Variants in LY96 observed in about 807,000 individuals in gnomAD.
LY96 encodes the protein myeloid differentiation protein-2.
A neutral mutation model predicts 18.9 loss-of-function variants in LY96; 18 were observed. The observed-to-expected ratio is 0.95, with a 90% CI of 0.66 to 1.41. LY96 has a LOEUF of 1.41. Ranked by LOEUF, LY96 falls within the 40% of genes most tolerant of loss-of-function variation. The pLI is 0.00. For missense variants in LY96, 175 were observed against 182.4 expected (o/e 0.96, Z 0.23); for synonymous variants, 66 against 62.6 (o/e 1.06, Z -0.26).
chr8:73,998,741 C>T (rs565531962), intron 1 of LY96, among the ~76,000 whole-genome samples: 3 of 152,268 alleles, frequency 2.0e-5, no homozygotes, highest in Non-Finnish European at 2.9e-5. Flanking sequence ...TGCTTCAAAT[C>T]TGGATCTGTA....
chr8:74,062,817 G>GGGA, the LY96 span, among the ~76,000 whole-genome samples: 1 of 152,176 alleles, frequency 6.6e-6, no homozygotes, highest in Non-Finnish European at 1.5e-5. Flanking sequence ...TAGTCATATG[G>GGGA]TTAGTCAGTG....
chr8:74,061,907 T>C, the LY96 span, among the ~76,000 whole-genome samples: 9 of 152,242 alleles, frequency 5.9e-5, no homozygotes, highest in South Asian at 1.4e-3. Context: ...TTTTCCTATA[T>C]GTACTTTGTT....
At chr8:74,022,291 C>T (rs1238010283) in intron 3 of LY96, among the ~76,000 whole-genome samples, 1 of 151,818 alleles carries the variant, frequency 6.6e-6, no homozygotes, top group Non-Finnish European at 1.5e-5. Context: ...TTTGTAATCC[C>T]CGCTACCACC....
chr8:74,081,145 CTTT>C, the LY96 span, among the ~76,000 whole-genome samples: 35 of 138,364 alleles, frequency 2.5e-4, no homozygotes, highest in African/African-American at 8.8e-4. Flanking sequence ...TTCCTTCCTT[CTTT>C]CTTTCTTTCT....
At chr8:74,089,479 A>ACTTGGT in the LY96 span, among the ~76,000 whole-genome samples, 1 of 152,040 alleles carries the variant, frequency 6.6e-6, no homozygotes, top group Admixed American at 6.6e-5. Flanking sequence ...TGTGTCCTAG[A>ACTTGGT]CTTGGTATGA....
chr8:74,032,827 G>A (rs1816993615), downstream of LY96, among the ~76,000 whole-genome samples: 2 of 152,196 alleles, frequency 1.3e-5, no homozygotes, highest in African/African-American at 2.4e-5. Context: ...TGGTGAATGT[G>A]TGTGATCCAA....
intron 1 of LY96, among the ~76,000 whole-genome samples, chr8:73,995,479 A>C (rs1414777626): frequency 6.6e-6 from 1 of 152,086 alleles, no homozygotes; most frequent in African/African-American, 2.4e-5. Context: ...TAACTTAATT[A>C]CCTCTTTAAA....
chr8:74,081,429 A>AT, the LY96 span, among the ~76,000 whole-genome samples: 1,459 of 143,714 alleles, frequency 0.01, 16 homozygotes, highest in African/African-American at 0.031. Context: ...CTAATTTAAA[A>AT]TTTTTTTTTT....
chr8:74,083,082 A>C, the LY96 span, among the ~76,000 whole-genome samples: 3 of 152,120 alleles, frequency 2.0e-5, no homozygotes, highest in East Asian at 1.9e-4. Context: ...AATTTGAAGT[A>C]AGTTCCAGGT....
chr8:74,014,250 G>GA (rs113588242), intron 3 of LY96, among the ~76,000 whole-genome samples: 11,216 of 138,668 alleles, frequency 0.081, 1,190 homozygotes, highest in African/African-American at 0.24. Flanking sequence ...CACCATCTCT[G>GA]AAAAAAAAAA....
chr8:74,087,635 G>A, the LY96 span, among the ~76,000 whole-genome samples: 1 of 152,142 alleles, frequency 6.6e-6, no homozygotes, highest in African/African-American at 2.4e-5. Context: ...ACTTTGCTTG[G>A]GGAGTTTTTG....
the LY96 span, among the ~76,000 whole-genome samples, chr8:74,039,766 T>C: frequency 6.6e-6 from 1 of 152,232 alleles, no homozygotes; most frequent in Non-Finnish European, 1.5e-5. Context: ...CTTCTACCGC[T>C]ATCTACTGTG....
chr8:74,078,413 G>A, the LY96 span, among the ~76,000 whole-genome samples: 36 of 152,302 alleles, frequency 2.4e-4, no homozygotes, highest in Non-Finnish European at 4.9e-4. Flanking sequence ...CAGACACAGT[G>A]TCAGGTCCTT....
intron 3 of LY96, among the ~76,000 whole-genome samples, chr8:74,020,140 T>G (rs920972916): frequency 1.9e-4 from 29 of 152,142 alleles, no homozygotes; most frequent in African/African-American, 7.0e-4. Flanking sequence ...GTCCCTGTTT[T>G]CAGATGACAT....
chr8:74,079,485 CT>C, the LY96 span: 1 of 152,096 alleles, frequency 6.6e-6, no homozygotes, highest in Non-Finnish European at 1.5e-5. Flanking sequence ...TAAAAGCTGT[CT>C]AACAACTTTG....
rs150166664 is a variant in LY96, at chr8:74,015,036, G to A, written c.331+4907G>A. 3.6e-3 allele frequency among the ~76,000 whole-genome samples: 549 copies of A among 152,080 alleles called. 1 individual carries two copies. Among genetic ancestry groups the A allele is most frequent in the Non-Finnish European group, 5.2e-3 (353 of 67,994 alleles). On this transcript the variant is annotated intron_variant, in intron 3 of 4. Coordinates refer to ENST00000284818, the MANE Select transcript of LY96 (RefSeq NM_015364.5). ...AGCCTGGGCAACATGGTAAAATGCC[G>A]TCTCTACCAAAAATACAAAAATTAG... is the stretch of plus-strand genomic sequence containing the variant.
At chr8:74,006,939 C>T (rs936117266) in intron 2 of LY96, among the ~76,000 whole-genome samples, 25 of 152,200 alleles carry the variant, frequency 1.6e-4, no homozygotes, top group African/African-American at 6.0e-4. Flanking sequence ...TTGGAGGAAA[C>T]GCTTGTGAAC....
At chr8:74,025,696 T>C (rs1399004963) in intron 3 of LY96, among the ~76,000 whole-genome samples, 2 of 147,958 alleles carry the variant, frequency 1.4e-5, no homozygotes, top group Non-Finnish European at 3.0e-5. Flanking sequence ...TTATCTGCTT[T>C]AAAGAAAGAG....
the LY96 span, among the ~76,000 whole-genome samples, chr8:74,077,279 A>G: frequency 1.5e-4 from 23 of 152,148 alleles, no homozygotes; most frequent in African/African-American, 5.6e-4. Flanking sequence ...ATTAGCATAA[A>G]CTCAGGTGTG....
Sources: allele counts gnomAD v4.1 joint callset (sites outside exome capture counted in the v4.1 genomes callset), GRCh38; gene constraint gnomAD v4.1.1; transcripts MANE v1.5; gene names NCBI Gene and HGNC (gene_info 2026-07-23, HGNC 2026-07-21).